CA10: variants seen among roughly 807,000 people sequenced by gnomAD.
CA10 encodes the protein carbonic anhydrase 10 (inactive).
CA10 carries 14 observed loss-of-function variants against 44.2 expected under a neutral mutation model. That is an observed-to-expected ratio of 0.32 (90% CI 0.21 to 0.50). CA10 has a LOEUF of 0.50. CA10 is among the 20% of genes least tolerant of loss of function. The pLI is 0.99. For synonymous variants in CA10, 159 were observed against 141.6 expected (o/e 1.12, Z -0.87); for missense variants, 350 against 409.7 (o/e 0.85, Z 1.26).
chr17:51,830,783 A>C (rs990013645), intron 3 of CA10, among the ~76,000 whole-genome samples: 2 of 152,306 alleles, frequency 1.3e-5, no homozygotes, highest in African/African-American at 4.8e-5. Flanking sequence ...GTCATCTAGT[A>C]GATATTTGCC....
chr17:51,764,334 G>T (rs1233266144), intron 3 of CA10, among the ~76,000 whole-genome samples: 1 of 152,150 alleles, frequency 6.6e-6, no homozygotes, highest in Non-Finnish European at 1.5e-5. Flanking sequence ...TGGTGATGAT[G>T]CTTCCCTGAG....
intron 3 of CA10, among the ~76,000 whole-genome samples, chr17:51,849,175 AC>A (rs1348020969): frequency 9.9e-6 from 1 of 100,988 alleles, no homozygotes; most frequent in Admixed American, 1.1e-4. Flanking sequence ...ATATATATAT[AC>A]ATATATGTAT....
intron 3 of CA10, among the ~76,000 whole-genome samples, chr17:51,918,171 C>CT (rs1567884705): frequency 6.6e-6 from 1 of 152,178 alleles, no homozygotes; most frequent in Admixed American, 6.5e-5. Context: ...AGCAACGATG[C>CT]ATTAAATAGC....
chr17:51,935,908 G>T (rs1274363834), intron 2 of CA10, among the ~76,000 whole-genome samples: 1 of 152,148 alleles, frequency 6.6e-6, no homozygotes, highest in Admixed American at 6.5e-5. Flanking sequence ...GATAAGGAGA[G>T]TTAAAACTGG....
At chr17:51,816,088 C>G (rs1907556432) in intron 3 of CA10, among the ~76,000 whole-genome samples, 1 of 152,124 alleles carries the variant, frequency 6.6e-6, no homozygotes, top group African/African-American at 2.4e-5. Flanking sequence ...GCTACCCTTT[C>G]CAGCTTCTGG....
intron 1 of CA10, among the ~76,000 whole-genome samples, chr17:52,130,453 T>C (rs185187008): frequency 6.6e-6 from 1 of 152,288 alleles, no homozygotes; most frequent in African/African-American, 2.4e-5. Context: ...TACACACAAA[T>C]AGAATACTAT....
In CA10 at chr17:51,738,711, T is replaced by C. The variant is rs1160184366; in HGVS notation, c.465+8922A>G. 3.3e-5 allele frequency among the ~76,000 whole-genome samples: 5 copies of C among 152,340 alleles called. No individual in the cohort carries two copies. In the East Asian group the frequency reaches 9.6e-4, roughly 29 times the overall value. ...GTCTTTGCTGTTTTGAGGCTGACTC[T>C]ATAGATGCCCTTGCGATGGGGCTGT... is the stretch of plus-strand genomic sequence containing the variant. On this transcript the variant is annotated intron_variant, in intron 4 of 8. Coordinates refer to ENST00000451037, the MANE Select transcript of CA10 (RefSeq NM_020178.5).
chr17:52,106,177 G>A (rs1384699280), intron 1 of CA10, among the ~76,000 whole-genome samples: 1 of 152,160 alleles, frequency 6.6e-6, no homozygotes, highest in African/African-American at 2.4e-5. Flanking sequence ...GATTACTAGG[G>A]AATTTCCACT....
chr17:51,900,865 TTTGA>T (rs745588037), intron 3 of CA10, among the ~76,000 whole-genome samples: 1 of 152,198 alleles, frequency 6.6e-6, no homozygotes, highest in Non-Finnish European at 1.5e-5. Flanking sequence ...ATCAGATCAA[TTTGA>T]TTATTTCTTA....
chr17:51,710,471 G>C (rs1169369929), intron 4 of CA10, among the ~76,000 whole-genome samples: 2 of 152,262 alleles, frequency 1.3e-5, no homozygotes, highest in South Asian at 4.2e-4. Flanking sequence ...TGAACACCTG[G>C]AGTTCAGAAG....
At chr17:52,101,387 TCAG>T (rs1988536267) in intron 1 of CA10, among the ~76,000 whole-genome samples, 1 of 152,340 alleles carries the variant, frequency 6.6e-6, no homozygotes, top group African/African-American at 2.4e-5. Context: ...TGACATCATG[TCAG>T]CAGCAGAATT....
At chr17:51,941,702 C>G (rs967476639) in intron 2 of CA10, among the ~76,000 whole-genome samples, 2 of 152,008 alleles carry the variant, frequency 1.3e-5, no homozygotes, top group African/African-American at 4.8e-5. Context: ...AGCAGGGACA[C>G]AAGAATTAAA....
intron 3 of CA10, among the ~76,000 whole-genome samples, chr17:51,864,620 C>G (rs989338963): frequency 6.6e-6 from 1 of 152,150 alleles, no homozygotes; most frequent in Non-Finnish European, 1.5e-5. Context: ...TTTTACAGTT[C>G]TGAGAGCTGA....
chr17:52,159,740 G>A (rs1396047610), upstream of CA10: 1 of 152,160 alleles, frequency 6.6e-6, no homozygotes, highest in African/African-American at 2.4e-5. Context: ...GTGGGGAGGC[G>A]GGCTGTCTAT....
At chr17:51,676,582 T>G (rs1194098943) in intron 4 of CA10, among the ~76,000 whole-genome samples, 1 of 152,214 alleles carries the variant, frequency 6.6e-6, no homozygotes, top group South Asian at 2.1e-4. Context: ...AGCTCCGAGA[T>G]AGATGTAGGT....
intron 3 of CA10, among the ~76,000 whole-genome samples, chr17:51,864,919 G>T (rs143869744): frequency 6.6e-6 from 1 of 152,250 alleles, no homozygotes; most frequent in Non-Finnish European, 1.5e-5. Context: ...AGTGCAGTTT[G>T]GTTCAACAAA....
chr17:51,666,156 C>A (rs1914197312), intron 4 of CA10, among the ~76,000 whole-genome samples: 1 of 152,154 alleles, frequency 6.6e-6, no homozygotes, highest in Admixed American at 6.5e-5. Context: ...ATGTGCCAGG[C>A]ACTGTGCTGG....
intron 3 of CA10, among the ~76,000 whole-genome samples, chr17:51,814,079 T>G (rs913117945): frequency 2.0e-5 from 3 of 152,238 alleles, no homozygotes; most frequent in African/African-American, 7.2e-5. Flanking sequence ...TAATCTGGTC[T>G]GTGACTTCAT....
rs186328168 is a variant in CA10 at position 52,069,217 on chromosome 17, G to A, written c.136+3102C>T. 3.9e-5 allele frequency among the ~76,000 whole-genome samples: 6 copies of A among 152,274 alleles called. No homozygotes were observed. In the East Asian group the frequency reaches 1.2e-3, roughly 29 times the overall value. The stretch of plus-strand genomic sequence containing the variant: ...TCCAGGCATGTTTGGTCTAATATCT[G>A]GGTACGTACCTAGCCAAATGGACAC... On this transcript the variant is annotated intron_variant, in intron 2 of 8. Coordinates refer to ENST00000451037, the MANE Select transcript of CA10 (RefSeq NM_020178.5).
Sources: allele counts gnomAD v4.1 joint callset (sites outside exome capture counted in the v4.1 genomes callset), GRCh38; gene constraint gnomAD v4.1.1; transcripts MANE v1.5; gene names NCBI Gene and HGNC (gene_info 2026-07-23, HGNC 2026-07-21).